Variants in LRRC7 observed in about 807,000 individuals in gnomAD.
The protein encoded by LRRC7 is leucine-rich repeat-containing protein 7.
Under a neutral mutation model 175.7 loss-of-function variants are expected in LRRC7, and 23 were observed. That is an observed-to-expected ratio of 0.13 (90% CI 0.09 to 0.19). The LOEUF (loss-of-function observed/expected upper bound fraction) is 0.19, where lower values mean the gene tolerates loss of function less well. Ranked by LOEUF, LRRC7 falls within the 10% of genes least tolerant of loss-of-function variation. The pLI is 1.00. For synonymous variants in LRRC7, 685 were observed against 680.9 expected (o/e 1.01, Z -0.09); for missense variants, 1,354 against 1,904.7 (o/e 0.71, Z 5.38).
intron 7 of LRRC7, among the ~76,000 whole-genome samples, chr1:69,859,703 A>C (rs1684151193): frequency 6.6e-6 from 1 of 151,988 alleles, no homozygotes; most frequent in South Asian, 2.1e-4. Flanking sequence ...CCTTTCTGTA[A>C]AGGTAATGCT....
At chr1:69,882,454 C>A (rs6656579) in intron 7 of LRRC7, among the ~76,000 whole-genome samples, 3 of 151,890 alleles carry the variant, frequency 2.0e-5, no homozygotes, top group African/African-American at 4.8e-5. Flanking sequence ...ATGGAAACAA[C>A]GTAAATGCCT....
At chr1:69,834,602 C>G (rs1680901835) in intron 5 of LRRC7, among the ~76,000 whole-genome samples, 178 bp from the exon 6 acceptor site, 1 of 152,056 alleles carries the variant, frequency 6.6e-6, no homozygotes, top group East Asian at 1.9e-4. Flanking sequence ...ACTTTAATAA[C>G]AGGCAAAATT....
intron 3 of LRRC7, among the ~76,000 whole-genome samples, chr1:69,768,774 T>C (rs1172828320): frequency 1.3e-5 from 2 of 152,168 alleles, no homozygotes; most frequent in Non-Finnish European, 2.9e-5. Context: ...ATGGGATAGT[T>C]TATGTGATTC....
At position 69,825,723 on chromosome 1, in the gene LRRC7, G is replaced by A. The variant is rs111591620; in HGVS notation, c.422-25G>A. The A allele has an allele frequency of 9.0e-6, 13 of 1,438,486 alleles. No individual in the cohort carries two copies. In the African/African-American group the frequency reaches 1.7e-4, roughly 19 times the overall value. The allele number at this position is 1,438,486 out of a possible 1,614,324, so 89.1% of individuals were successfully genotyped here. ...AGAATATTTGTTGGAACATTTTCAT[G>A]TACTTTGTTTTTTTCACATTTTAGG... On this transcript the variant is annotated intron_variant, in intron 4 of 26. Transcript: ENST00000651989.
At chr1:69,688,009 T>C (rs1166883271) in intron 2 of LRRC7, among the ~76,000 whole-genome samples, 1 of 152,222 alleles carries the variant, frequency 6.6e-6, no homozygotes, top group East Asian at 1.9e-4. Flanking sequence ...TGTCAGCTGT[T>C]ACTTTTGCTG....
At chr1:69,661,860 T>A (rs1657522668) in intron 1 of LRRC7, among the ~76,000 whole-genome samples, 1 of 152,182 alleles carries the variant, frequency 6.6e-6, no homozygotes, top group Non-Finnish European at 1.5e-5. Flanking sequence ...TCATTTCACT[T>A]TGAGGAAGGA....
At chr1:69,946,138 G>C (rs550222055) in intron 8 of LRRC7, among the ~76,000 whole-genome samples, 1 of 151,986 alleles carries the variant, frequency 6.6e-6, no homozygotes, top group East Asian at 1.9e-4. Context: ...AGCATGTTGG[G>C]GTACATTTTT....
At chr1:69,853,661 G>A (rs773220336) in intron 7 of LRRC7, among the ~76,000 whole-genome samples, 1 of 152,122 alleles carries the variant, frequency 6.6e-6, no homozygotes, top group Non-Finnish European at 1.5e-5. Context: ...AGAAAGAAAC[G>A]TGAAAGAGTC....
chr1:69,733,787 C>G (rs1411803364), intron 2 of LRRC7, among the ~76,000 whole-genome samples: 1 of 151,988 alleles, frequency 6.6e-6, no homozygotes, highest in Non-Finnish European at 1.5e-5. Flanking sequence ...TCATTTTGTT[C>G]AAAGGCATTT....
At chr1:69,683,076 G>T (rs12022970) in intron 2 of LRRC7, among the ~76,000 whole-genome samples, 31,835 of 151,948 alleles carry the variant, frequency 0.21, 3,497 homozygotes, top group South Asian at 0.29. Flanking sequence ...TGCAACAAAC[G>T]CAACAAATTC....
chr1:69,686,054 C>A (rs984511899), intron 2 of LRRC7, among the ~76,000 whole-genome samples: 19 of 152,062 alleles, frequency 1.2e-4, no homozygotes, highest in African/African-American at 4.6e-4. Flanking sequence ...ATTAAAATGA[C>A]AGTATATTTT....
intron 26 of LRRC7, among the ~76,000 whole-genome samples, chr1:70,108,357 C>T (rs992990145): frequency 6.6e-6 from 1 of 152,118 alleles, no homozygotes; most frequent in Non-Finnish European, 1.5e-5. Flanking sequence ...CTTTCACTAA[C>T]TTAAAGCTCT....
intron 7 of LRRC7, among the ~76,000 whole-genome samples, chr1:69,917,453 C>A (rs1233121694): frequency 1.3e-5 from 2 of 152,100 alleles, no homozygotes; most frequent in Non-Finnish European, 2.9e-5. Context: ...TAAGGGAAAG[C>A]CACATGGGAA....
chr1:70,037,700 G>A (rs1659441103), intron 20 of LRRC7, among the ~76,000 whole-genome samples: 1 of 152,140 alleles, frequency 6.6e-6, no homozygotes, highest in Non-Finnish European at 1.5e-5. Context: ...TATCAGTCAG[G>A]TTTCAAGACC....
chr1:69,731,074 G>A (rs1667524672), intron 2 of LRRC7, among the ~76,000 whole-genome samples: 1 of 152,028 alleles, frequency 6.6e-6, no homozygotes, highest in African/African-American at 2.4e-5. Flanking sequence ...GGCTGAGGTG[G>A]GCGGATCATG....
At chr1:69,583,321 G>A (rs1448756240) in intron 1 of LRRC7, among the ~76,000 whole-genome samples, 1 of 151,732 alleles carries the variant, frequency 6.6e-6, no homozygotes, top group East Asian at 1.9e-4. Flanking sequence ...GTTAATAAAT[G>A]GAGTCACTAA....
At chr1:69,912,719 T>C (rs1646570606) in intron 7 of LRRC7, among the ~76,000 whole-genome samples, 1 of 152,178 alleles carries the variant, frequency 6.6e-6, no homozygotes, top group African/African-American at 2.4e-5. Context: ...GAATGAATAA[T>C]TGGTTCTGGT....
chr1:69,835,347 C>G (rs1680983786), intron 6 of LRRC7, among the ~76,000 whole-genome samples: 1 of 151,600 alleles, frequency 6.6e-6, no homozygotes, highest in Non-Finnish European at 1.5e-5. Context: ...ATATATTTAA[C>G]ATAGAATTCT....
chr1:69,742,469 G>A (rs1200446591), intron 2 of LRRC7, among the ~76,000 whole-genome samples: 1 of 151,820 alleles, frequency 6.6e-6, no homozygotes, highest in Non-Finnish European at 1.5e-5. Context: ...TATATTGGGT[G>A]TGTTTAGCAT....
Sources: allele counts gnomAD v4.1 joint callset (sites outside exome capture counted in the v4.1 genomes callset), GRCh38; gene constraint gnomAD v4.1.1; transcripts MANE v1.5; gene names NCBI Gene and HGNC (gene_info 2026-07-23, HGNC 2026-07-21).